MARCHF10: variants seen among roughly 807,000 people sequenced by gnomAD.
MARCHF10 encodes membrane associated ring-CH-type finger 10, also known as probable E3 ubiquitin-protein ligase MARCHF10.
In MARCHF10, 64 loss-of-function variants were observed where a neutral mutation model predicts 76.2. The observed-to-expected ratio is 0.84, with a 90% confidence interval of 0.69 to 1.03. The LOEUF (loss-of-function observed/expected upper bound fraction) is 1.03. Among genes scored for constraint, MARCHF10 ranks in the 50% least tolerant of loss-of-function variants. The probability of loss-of-function intolerance (pLI) is 0.00; values close to 1 mark genes in which losing one functional copy is unlikely to be tolerated. For missense variants in MARCHF10, 875 were observed against 958.0 expected, an observed-to-expected ratio of 0.91 and a Z score of 1.14; for synonymous variants, 340 against 357.5, an observed-to-expected ratio of 0.95 and a Z score of 0.55.
intron 3 of MARCHF10, among the ~76,000 whole-genome samples, chr17:62,768,684 T>C (rs2092386008): frequency 6.6e-6 from 1 of 152,192 alleles, no homozygotes; most frequent in Admixed American, 6.5e-5. Context: ...CAATTTGCTT[T>C]CTCTTTTTAT....
intron 6 of MARCHF10, among the ~76,000 whole-genome samples, chr17:62,730,097 G>A (rs913367767): frequency 1.7e-4 from 16 of 94,754 alleles, no homozygotes; most frequent in African/African-American, 4.8e-4. Context: ...CAGGAGAATC[G>A]CTTGAACCTG....
intron 8 of MARCHF10, among the ~76,000 whole-genome samples, chr17:62,716,634 T>C (rs1237898802): frequency 6.6e-6 from 1 of 151,626 alleles, no homozygotes; most frequent in African/African-American, 2.4e-5. Flanking sequence ...TTATAAGTTA[T>C]CATTTTGGGT....
intron 3 of MARCHF10, among the ~76,000 whole-genome samples, chr17:62,764,182 A>G (rs2092275592): frequency 6.6e-6 from 1 of 152,210 alleles, no homozygotes; most frequent in South Asian, 2.1e-4. Flanking sequence ...GACAGTGAAC[A>G]GAGATGACCC....
intron 2 of MARCHF10, among the ~76,000 whole-genome samples, chr17:62,791,032 T>A (rs187574004): frequency 4.5e-4 from 68 of 152,340 alleles, no homozygotes; most frequent in African/African-American, 1.6e-3. Context: ...TAAGTCATCA[T>A]AATAAACACT....
intron 4 of MARCHF10, among the ~76,000 whole-genome samples, chr17:62,749,436 A>G (rs2091820979): frequency 6.6e-6 from 1 of 152,194 alleles, no homozygotes. Flanking sequence ...CAAGATCCCA[A>G]TGGAGAGACA....
intron 4 of MARCHF10, among the ~76,000 whole-genome samples, chr17:62,745,871 A>G (rs1220561465): frequency 1.3e-5 from 2 of 152,226 alleles, no homozygotes; most frequent in Non-Finnish European, 2.9e-5. Context: ...TCTTGGGTTT[A>G]CAAGGCAGTT....
chr17:62,706,593 C>T (rs2089607138), intron 9 of MARCHF10: 1 of 152,194 alleles, frequency 6.6e-6, no homozygotes, highest in African/African-American at 2.4e-5. Flanking sequence ...CTGGGGTAGG[C>T]ACAGTCCATC....
chr17:62,718,500 G>A (rs1369783613), intron 8 of MARCHF10, among the ~76,000 whole-genome samples: 1 of 152,238 alleles, frequency 6.6e-6, no homozygotes, highest in African/African-American at 2.4e-5. Context: ...GCTGCACGGT[G>A]TTTGTGGTGT....
At chr17:62,740,926 C>T (rs2091482061) in intron 5 of MARCHF10, among the ~76,000 whole-genome samples, 1 of 152,170 alleles carries the variant, frequency 6.6e-6, no homozygotes, top group Non-Finnish European at 1.5e-5. Flanking sequence ...CCGTGTCTGG[C>T]CATGGCTCAG....
At chr17:62,790,887 G>A (rs1211045680) in intron 2 of MARCHF10, among the ~76,000 whole-genome samples, 2 of 152,202 alleles carry the variant, frequency 1.3e-5, no homozygotes, top group African/African-American at 4.8e-5. Flanking sequence ...CATCACAGCA[G>A]CCAAGTGGTC....
intron 4 of MARCHF10, among the ~76,000 whole-genome samples, chr17:62,748,036 TTCTC>T (rs1468498932): frequency 2.6e-5 from 4 of 152,210 alleles, no homozygotes; most frequent in African/African-American, 9.6e-5. Context: ...ATATTTTCTC[TTCTC>T]TGTCTGTAAG....
intron 6 of MARCHF10, among the ~76,000 whole-genome samples, chr17:62,727,003 A>G (rs746958151): frequency 2.0e-5 from 3 of 152,200 alleles, no homozygotes; most frequent in African/African-American, 7.2e-5. Flanking sequence ...GTGGTTTCCA[A>G]TAGAAAATAA....
chr17:62,767,881 C>G (rs1208985542), intron 3 of MARCHF10, among the ~76,000 whole-genome samples: 1 of 152,122 alleles, frequency 6.6e-6, no homozygotes, highest in African/African-American at 2.4e-5. Flanking sequence ...ATCGTTCAGC[C>G]CCTGCACCTA....
At position 62,775,507 on chromosome 17, in the gene MARCHF10, C is replaced by CGGGG. The variant is rs138680582; in HGVS notation, c.210+12969_210+12972dup. On this transcript the variant is annotated intron_variant, in intron 3 of 10. Transcript: ENST00000311269. Reference sequence around the variant, plus strand: ...TAGTTTACCAACACTGTCAGCCACTCGGGGGGGGGCGTGGCTTATTAATTA... The same window carrying CGGGG: ...TAGTTTACCAACACTGTCAGCCACTCGGGGGGGGGGGGGCGTGGCTTATTAATTA... Among the ~76,000 whole-genome samples, 224 of 146,714 alleles carry CGGGG rather than the reference C, an allele frequency of 1.5e-3. 3 individuals are homozygous for CGGGG. The highest frequency in any genetic ancestry group is 5.1e-3 in the African/African-American group (198 of 38,986).
At chr17:62,786,305 T>G (rs1268453277) in intron 3 of MARCHF10, among the ~76,000 whole-genome samples, 1 of 149,926 alleles carries the variant, frequency 6.7e-6, no homozygotes, top group Admixed American at 6.7e-5. Flanking sequence ...CACCACATGT[T>G]CTCACTCATA....
At chr17:62,715,998 G>A (rs1048295401) in intron 8 of MARCHF10, among the ~76,000 whole-genome samples, 5 of 152,122 alleles carry the variant, frequency 3.3e-5, no homozygotes, top group South Asian at 2.1e-4. Flanking sequence ...CAGGGGAGGC[G>A]TCCGTCCCAG....
chr17:62,733,414 A>C (rs2091121134), intron 6 of MARCHF10, among the ~76,000 whole-genome samples: 1 of 152,258 alleles, frequency 6.6e-6, no homozygotes, highest in Non-Finnish European at 1.5e-5. Context: ...TCAAGCTACA[A>C]TATCATTTTA....
intron 8 of MARCHF10, among the ~76,000 whole-genome samples, chr17:62,722,062 C>G (rs1411227246): frequency 6.6e-6 from 1 of 152,026 alleles, no homozygotes; most frequent in Non-Finnish European, 1.5e-5. Flanking sequence ...GCAGACAGAT[C>G]ACTTGAGATC....
intron 4 of MARCHF10, among the ~76,000 whole-genome samples, chr17:62,752,281 T>A (rs542006620): frequency 3.3e-4 from 51 of 152,256 alleles, no homozygotes; most frequent in African/African-American, 1.1e-3. Context: ...GAGACATTCT[T>A]GCCATTTCAG....
Sources: gnomAD v4.1 joint callset for allele counts (sites outside exome capture counted in the v4.1 genomes callset) on GRCh38, gnomAD v4.1.1 for gene constraint, MANE v1.5 for transcripts, NCBI Gene and HGNC (gene_info 2026-07-23, HGNC 2026-07-21) for gene names.